TMC2: variants seen among roughly 807,000 people sequenced by gnomAD.
TMC2 encodes transmembrane channel like 2.
A neutral mutation model predicts 105.9 loss-of-function variants in TMC2; 102 were observed. The observed-to-expected ratio is 0.96, with a 90% CI of 0.82 to 1.14. TMC2 has a LOEUF of 1.14. TMC2 is among the 50% of genes most tolerant of loss of function. TMC2 has a pLI of 0.00. For missense variants in TMC2, 1,093 were observed against 1,134.3 expected, an observed-to-expected ratio of 0.96 and a Z score of 0.52; for synonymous variants, 402 against 422.8, an observed-to-expected ratio of 0.95 and a Z score of 0.60.
chr20:2,599,901 T>C (rs892455399), intron 10 of TMC2, among the ~76,000 whole-genome samples: 1 of 152,256 alleles, frequency 6.6e-6, no homozygotes, highest in Non-Finnish European at 1.5e-5. Context: ...GTCCACTGAC[T>C]GATGCCTGCA....
At chr20:2,573,691 C>T (rs6115004) in intron 5 of TMC2, among the ~76,000 whole-genome samples, 1 of 147,226 alleles carries the variant, frequency 6.8e-6, no homozygotes, top group Admixed American at 6.7e-5. Context: ...CTCCCGAGTA[C>T]CTGGGACTAC....
chr20:2,617,004 C>G, intron 15 of TMC2, 68 bp from the exon 16 acceptor site: 1 of 1,598,286 alleles, frequency 6.3e-7, no homozygotes, highest in South Asian at 1.1e-5. Context: ...GTCCCATTTC[C>G]TTCTATCACC....
intron 7 of TMC2, among the ~76,000 whole-genome samples, chr20:2,583,395 C>A (rs1175589038): frequency 2.6e-5 from 4 of 152,032 alleles, no homozygotes; most frequent in Admixed American, 6.6e-5. Context: ...CTGAGTGTGG[C>A]CTTTGGACAA....
chr20:2,543,559 G>C (rs2085904840), intron 2 of TMC2, among the ~76,000 whole-genome samples: 2 of 152,190 alleles, frequency 1.3e-5, no homozygotes. Flanking sequence ...GAATTGACAG[G>C]TCTTTGGGAA....
At chr20:2,568,893 G>A (rs2422782) in intron 4 of TMC2, among the ~76,000 whole-genome samples, 19,316 of 152,078 alleles carry the variant, frequency 0.13, 1,531 homozygotes, top group African/African-American at 0.22. Flanking sequence ...TCAAGGTTAG[G>A]ATGCAACTTC....
In TMC2 at chr20:2,610,557, T is replaced by C. The variant is rs2086429199; in HGVS notation, c.1552T>C (p.Tyr518His). ...RIFALFLGNL[Y>H]TFLLALMDDV... ...CTTTGCACTCTTCCTGGGGAACCTC[T>C]ACACATTTCTCTTGGCCCTGATGGA... The change falls in exon 12 of 20, where the codon TAC (tyrosine) becomes CAC (histidine). Residue 518 changes from tyrosine to histidine, a missense_variant. Coordinates refer to ENST00000358864, the MANE Select transcript of TMC2 (RefSeq NM_080751.3). 1.9e-6 allele frequency: 3 copies of C among 1,611,992 alleles called. No homozygotes were observed. The highest frequency in any genetic ancestry group is 2.5e-6 in the Non-Finnish European group (3 of 1,179,024).
At chr20:2,562,128 G>A (rs1478387639) in intron 4 of TMC2, 118 bp downstream of exon 4, 15 of 1,281,112 alleles carry the variant, frequency 1.2e-5, no homozygotes, top group East Asian at 2.5e-5. Flanking sequence ...CTGCTCCAGC[G>A]AGGACAGCAC....
intron 16 of TMC2, among the ~76,000 whole-genome samples, chr20:2,619,094 G>A (rs1439900362): frequency 6.6e-6 from 1 of 152,140 alleles, no homozygotes; most frequent in Non-Finnish European, 1.5e-5. Flanking sequence ...CCGTAAAAGG[G>A]TCGTATATGC....
intron 12 of TMC2, among the ~76,000 whole-genome samples, chr20:2,611,608 G>C (rs1275956826): frequency 1.3e-5 from 2 of 152,144 alleles, no homozygotes. Flanking sequence ...TTTTCCCAGA[G>C]AGAATTTCTC....
rs768255140 is a variant in TMC2 at position 2,603,224 on chromosome 20, T to TA, written c.1413+937dup. On this transcript the variant is annotated intron_variant, in intron 11 of 19. Coordinates refer to ENST00000358864, the MANE Select transcript of TMC2 (RefSeq NM_080751.3). ...AAGAACGACCCAGTTAAGCCCAGTT[T>TA]AAAAAAAAAAAAAATGCTGCCCCAC... is the stretch of plus-strand genomic sequence containing the variant. Among the ~76,000 whole-genome samples, 339 of 139,900 alleles carry TA rather than the reference T, an allele frequency of 2.4e-3. 1 individual carries two copies. Among genetic ancestry groups the TA allele is most frequent in the Middle Eastern group, 0.011 (3 of 272 alleles). 91.8% of individuals were successfully genotyped at this position (139,900 alleles called of 152,430 possible). A position where few individuals can be genotyped will look rare whatever the true frequency, so the allele number is the denominator to read the frequency against.
chr20:2,638,555 A>G (rs558641810), intron 19 of TMC2, among the ~76,000 whole-genome samples: 158 of 151,300 alleles, frequency 1.0e-3, no homozygotes, highest in African/African-American at 3.4e-3. Flanking sequence ...TTCCAGAAGA[A>G]GGTGTTGTTA....
chr20:2,620,621 A>G (rs2086518112), intron 16 of TMC2, among the ~76,000 whole-genome samples: 1 of 152,258 alleles, frequency 6.6e-6, no homozygotes, highest in African/African-American at 2.4e-5. Context: ...TGAAAGAAAC[A>G]GAAAGAAGAC....
At chr20:2,639,654 T>G (rs183309644) in intron 19 of TMC2, among the ~76,000 whole-genome samples, 153 of 152,346 alleles carry the variant, frequency 1.0e-3, no homozygotes, top group Non-Finnish European at 1.8e-3. Flanking sequence ...GTTTATATTC[T>G]CTGAAAAGAG....
intron 2 of TMC2, among the ~76,000 whole-genome samples, chr20:2,539,985 C>CTT (rs1359747232): frequency 8.8e-5 from 10 of 113,660 alleles, no homozygotes; most frequent in African/African-American, 3.2e-4. Context: ...CTTTTCTTTT[C>CTT]TTTTCTTTTT....
chr20:2,559,366 A>G (rs1600100485), intron 3 of TMC2, among the ~76,000 whole-genome samples: 2 of 152,260 alleles, frequency 1.3e-5, no homozygotes, highest in African/African-American at 4.8e-5. Context: ...ATTGGCACCA[A>G]CTAGCACGTG....
At chr20:2,568,284 C>T (rs775109300) in intron 4 of TMC2, among the ~76,000 whole-genome samples, 37 of 152,154 alleles carry the variant, frequency 2.4e-4, no homozygotes, top group Non-Finnish European at 4.4e-4. Flanking sequence ...TGACAAGAAA[C>T]TTCTCATCAG....
chr20:2,560,091 G>C (rs528150864), intron 3 of TMC2, among the ~76,000 whole-genome samples: 11 of 152,192 alleles, frequency 7.2e-5, no homozygotes, highest in East Asian at 5.8e-4. Context: ...TGAATTCCCC[G>C]GGTGCTGGGC....
rs1386568020 is a variant in TMC2, at chr20:2,558,495, T to C, written c.122T>C (p.Leu41Pro). 6.4e-7 allele frequency: 1 copy of C among 1,559,036 alleles called. No individual in the cohort carries two copies. The highest frequency in any genetic ancestry group is 8.7e-7 in the Non-Finnish European group (1 of 1,151,574). The part of the protein sequence containing the change: ...LGRRSSSKRA[L>P]KAEGTPGRRG... ...AGGAGATCCTCAAGCAAGCGGGCTCTCAAAGCCGAGGGGACCCCAGGCAGG... is the reference window on the plus strand; with the variant it reads ...AGGAGATCCTCAAGCAAGCGGGCTCCCAAAGCCGAGGGGACCCCAGGCAGG... Residue 41 changes from leucine (L) to proline (P), a missense_variant, in exon 3 of 20, where the codon CTC becomes CCC. By Grantham distance (98) the Leu-to-Pro change is moderately conservative. Coordinates refer to ENST00000358864, the MANE Select transcript of TMC2 (RefSeq NM_080751.3). The surrounding 1 kb of genome is among the most constrained non-coding windows in gnomAD (Gnocchi z 4.6).
chr20:2,622,428 G>T (rs1408162268), intron 16 of TMC2, among the ~76,000 whole-genome samples: 1 of 152,188 alleles, frequency 6.6e-6, no homozygotes, highest in Non-Finnish European at 1.5e-5. Flanking sequence ...AGTACTTTGG[G>T]AGGCCAAAGC....
Sources: gnomAD v4.1 joint callset for allele counts (sites outside exome capture counted in the v4.1 genomes callset) on GRCh38, gnomAD v4.1.1 for gene constraint, Gnocchi (gnomAD v3.1) non-coding constraint, MANE v1.5 for transcripts, NCBI Gene and HGNC (gene_info 2026-07-23, HGNC 2026-07-21) for gene names.